The following BICD2 variants were observed in gnomAD, a reference collection of about 807,000 sequenced individuals.
The protein encoded by BICD2 is BICD cargo adaptor 2.
Under a neutral mutation model 72.9 loss-of-function variants are expected in BICD2, and 25 were observed. The ratio of observed to expected loss-of-function variants is 0.34; its 90% confidence interval spans 0.25 to 0.48. The LOEUF (loss-of-function observed/expected upper bound fraction) is 0.48, where lower values mean the gene tolerates loss of function less well. Among genes scored for constraint, BICD2 ranks in the 20% least tolerant of loss-of-function variants. BICD2 has a pLI of 0.99. For missense variants in BICD2, 894 were observed against 1,175.2 expected (o/e 0.76, Z 3.50); for synonymous variants, 501 against 516.1 (o/e 0.97, Z 0.40).
intron 1 of BICD2, among the ~76,000 whole-genome samples, chr9:92,758,429 G>A (rs1244079513): frequency 1.3e-5 from 2 of 149,404 alleles, no homozygotes; most frequent in African/African-American, 4.9e-5. Context: ...GCGCGCACCT[G>A]TAATCCCAGC....
In BICD2 at chr9:92,757,003, G is replaced by C. The variant is rs190494411; in HGVS notation, c.240+7502C>G. Among the ~76,000 whole-genome samples, 340 of 152,292 alleles carry C rather than the reference G, an allele frequency of 2.2e-3. 2 individuals are homozygous for C. Among genetic ancestry groups the C allele is most frequent in the African/African-American group, 7.8e-3 (324 of 41,568 alleles). On this transcript the variant is annotated intron_variant, in intron 1 of 6. Coordinates refer to ENST00000356884, the MANE Select transcript of BICD2 (RefSeq NM_001003800.2). ...GCCAGGGCTAATGCCAGTGCAGTATGAAAGGGGACAGGACAGGCCACACAT... is the reference window on the plus strand; with the variant it reads ...GCCAGGGCTAATGCCAGTGCAGTATCAAAGGGGACAGGACAGGCCACACAT...
chr9:92,764,186 C>T lies in BICD2; in HGVS notation c.240+319G>A, dbSNP rs1241728485. Among the ~76,000 whole-genome samples, 1 of 151,834 alleles carries T rather than the reference C, an allele frequency of 6.6e-6. No homozygotes were observed. The highest frequency in any genetic ancestry group is 2.1e-4 in the South Asian group (1 of 4,816). ...CCACACTCAGACACACCCGGAACAG[C>T]GACCACCGCAAAGCATCAGCCCTTA... On this transcript the variant is annotated intron_variant, in intron 1 of 6. Transcript: ENST00000356884. The surrounding 1 kb of genome is among the most constrained non-coding windows in gnomAD (Gnocchi z 5.5).
At chr9:92,762,668 T>G (rs1452671696) in intron 1 of BICD2, among the ~76,000 whole-genome samples, 2 of 152,116 alleles carry the variant, frequency 1.3e-5, no homozygotes, top group Non-Finnish European at 2.9e-5. Context: ...AACGTTTGTG[T>G]CAGAATAGCA....
rs1853431201 is a variant in BICD2, at chr9:92,720,219, G to C, written c.1062+81C>G. 7.9e-7 allele frequency: 1 copy of C among 1,261,128 alleles called. No homozygotes were observed. The highest frequency in any genetic ancestry group is 1.1e-6 in the Non-Finnish European group (1 of 944,044). The allele number at this position is 1,261,128 out of a possible 1,614,324, so 78.1% of individuals were successfully genotyped here. On this transcript the variant is annotated intron_variant, in intron 4 of 6. Coordinates refer to ENST00000356884, the MANE Select transcript of BICD2 (RefSeq NM_001003800.2). This position sits in a 1 kb window ranked among gnomAD's most constrained non-coding sequence, Gnocchi z 5.4. The stretch of plus-strand genomic sequence containing the variant: ...GGAAAAGGGAAAGTTAACATCAGCA[G>C]AGTGTCAGGTAAGCACTGCTCGGGG...
At chr9:92,759,184 G>A (rs192642308) in intron 1 of BICD2, among the ~76,000 whole-genome samples, 8 of 152,176 alleles carry the variant, frequency 5.3e-5, no homozygotes, top group Admixed American at 2.6e-4. Flanking sequence ...TCTCAGAGTA[G>A]CAACAAACTA....
At chr9:92,740,352 T>C (rs1853875609) in intron 1 of BICD2, among the ~76,000 whole-genome samples, 1 of 152,148 alleles carries the variant, frequency 6.6e-6, no homozygotes, top group South Asian at 2.1e-4. Context: ...TTCTAAAAAA[T>C]ATATGCTGTA....
chr9:92,729,981 G>A (rs1159021944), intron 1 of BICD2, among the ~76,000 whole-genome samples: 1 of 152,208 alleles, frequency 6.6e-6, no homozygotes, highest in Non-Finnish European at 1.5e-5. Flanking sequence ...CCTGAGAGTC[G>A]ACAGCTGTGT....
rs768632390 is a variant in BICD2 at position 92,715,310 on chromosome 9, C to T, written c.2412G>A (p.Glu804=). Reference sequence around the variant, plus strand: ...CTTTGGCACGGCCACGCCGGGTCTGCTCATGGTCCAGCTCGAGCAGCTCCA... The same window carrying T: ...CTTTGGCACGGCCACGCCGGGTCTGTTCATGGTCCAGCTCGAGCAGCTCCA... The part of the protein sequence containing the change: ...QRLELLELDH[E]QTRRGRAKAA... The change falls in exon 7 of 7, where the codon GAG becomes GAA. Residue 804 remains glutamate, a synonymous_variant. Coordinates refer to ENST00000356884, the MANE Select transcript of BICD2 (RefSeq NM_001003800.2). 6.2e-7 allele frequency: 1 copy of T among 1,612,926 alleles called. No homozygotes were observed. Among genetic ancestry groups the T allele is most frequent in the Non-Finnish European group, 8.5e-7 (1 of 1,179,856 alleles).
At chr9:92,755,841 C>T (rs148358431) in intron 1 of BICD2, among the ~76,000 whole-genome samples, 122 of 152,298 alleles carry the variant, frequency 8.0e-4, no homozygotes, top group African/African-American at 2.4e-3. Flanking sequence ...AAAGCAGCTG[C>T]GTCCTGGGCC....
chr9:92,762,368 T>C (rs1854391213), intron 1 of BICD2, among the ~76,000 whole-genome samples: 1 of 152,180 alleles, frequency 6.6e-6, no homozygotes, highest in Non-Finnish European at 1.5e-5. Context: ...ACAAACTTTC[T>C]GGCAACATCT....
chr9:92,753,908 G>T (rs1854201877), intron 1 of BICD2, among the ~76,000 whole-genome samples: 1 of 151,660 alleles, frequency 6.6e-6, no homozygotes, highest in Non-Finnish European at 1.5e-5. Flanking sequence ...ACCTTGGGAG[G>T]CTGAGACAGG....
At chr9:92,760,060 G>A (rs1049896317) in intron 1 of BICD2, among the ~76,000 whole-genome samples, 6 of 152,168 alleles carry the variant, frequency 3.9e-5, no homozygotes, top group African/African-American at 9.7e-5. Flanking sequence ...AACCTATCAC[G>A]GCCCAGACAG....
intron 1 of BICD2, among the ~76,000 whole-genome samples, chr9:92,754,308 G>A (rs1056570712): frequency 2.6e-5 from 4 of 152,170 alleles, no homozygotes; most frequent in Middle Eastern, 3.2e-3. Context: ...CTGTAGGTGC[G>A]TGTATCCTGT....
rs993959672 is a variant in BICD2 at position 92,711,681 on chromosome 9, A to G, written c.*3473T>C. The G allele has an allele frequency of 6.6e-6, 1 of 152,628 alleles. No individual in the cohort carries two copies. Among genetic ancestry groups the G allele is most frequent in the Non-Finnish European group, 1.5e-5 (1 of 68,050 alleles). 9.5% of individuals were successfully genotyped at this position (152,628 alleles called of 1,614,324 possible). Reference sequence around the variant, plus strand: ...AGAAAAAATACAGTACTCAGACATCATTGCAAATAAATACCCCATACAGAT... The same window carrying G: ...AGAAAAAATACAGTACTCAGACATCGTTGCAAATAAATACCCCATACAGAT... On this transcript the variant is annotated 3_prime_UTR_variant, in exon 7 of 7. Transcript: ENST00000356884.
intron 2 of BICD2, among the ~76,000 whole-genome samples, 160 bp from the exon 3 acceptor site, chr9:92,722,968 G>C (rs1464090178): frequency 6.6e-6 from 1 of 152,150 alleles, no homozygotes; most frequent in Non-Finnish European, 1.5e-5. Flanking sequence ...GGAGCCCAGA[G>C]CAGTATGCCA....
At chr9:92,721,062 C>T (rs1353657899) in intron 3 of BICD2, among the ~76,000 whole-genome samples, 1 of 152,224 alleles carries the variant, frequency 6.6e-6, no homozygotes, top group Non-Finnish European at 1.5e-5. Context: ...TCTGAGGTGG[C>T]CCCAAGCCAG....
intron 2 of BICD2, among the ~76,000 whole-genome samples, chr9:92,724,737 G>C (rs1483340791): frequency 6.6e-6 from 1 of 152,200 alleles, no homozygotes; most frequent in African/African-American, 2.4e-5. Context: ...TCTCCTGCTA[G>C]TGAGAGTGCA....
chr9:92,753,154 T>C (rs1314548824), intron 1 of BICD2, among the ~76,000 whole-genome samples: 1 of 152,192 alleles, frequency 6.6e-6, no homozygotes, highest in African/African-American at 2.4e-5. Flanking sequence ...AAAAACATTC[T>C]ACTAAACACC....
At chr9:92,722,497 AAGTATACCCCTGCCTCCAC>A (rs1853483413) in intron 3 of BICD2, among the ~76,000 whole-genome samples, 140 bp downstream of exon 3, 1 of 152,160 alleles carries the variant, frequency 6.6e-6, no homozygotes, top group Non-Finnish European at 1.5e-5. Context: ...GGGTCCCACC[AAGTATACCCCTGCCTCCAC>A]AGTGGTAAAG....
Sources: allele counts gnomAD v4.1 joint callset (sites outside exome capture counted in the v4.1 genomes callset), GRCh38; gene constraint gnomAD v4.1.1; non-coding constraint Gnocchi (gnomAD v3.1); transcripts MANE v1.5; gene names NCBI Gene and HGNC (gene_info 2026-07-23, HGNC 2026-07-21).